CLEC19A: variants seen among roughly 807,000 people sequenced by gnomAD.
CLEC19A encodes the protein C-type lectin domain containing 19A.
In CLEC19A, 21 loss-of-function variants were observed where a neutral mutation model predicts 26.1. The observed-to-expected ratio is 0.80, with a 90% confidence interval of 0.57 to 1.16. The LOEUF (loss-of-function observed/expected upper bound fraction) is 1.16. CLEC19A is among the 50% of genes most tolerant of loss of function. The pLI is 0.00. For synonymous variants in CLEC19A, 89 were observed against 88.6 expected (o/e 1.00, Z -0.03); for missense variants, 224 against 227.6 (o/e 0.98, Z 0.10).
intron 2 of CLEC19A, among the ~76,000 whole-genome samples, chr16:19,303,603 AG>A (rs1166997298): frequency 1.3e-5 from 2 of 152,164 alleles, no homozygotes; most frequent in Non-Finnish European, 2.9e-5. Flanking sequence ...AGGAAAACAG[AG>A]ATTTTGGAGA....
Position 19,295,879 on chromosome 16 carries a change from C to A in CLEC19A, c.89-2794C>A, listed in dbSNP as rs374055224. Among the ~76,000 whole-genome samples the A allele has an allele frequency of 2.3e-3, 351 of 152,278 alleles. 3 individuals are homozygous for A. Among genetic ancestry groups the A allele is most frequent in the African/African-American group, 8.1e-3 (338 of 41,552 alleles). ...AGTCCCTACAAAGAGCTCAGCAACA[C>A]CCAGCGTTACAAAGGGTCCATCAAC... On this transcript the variant is annotated intron_variant, in intron 1 of 4. Coordinates refer to ENST00000636231, the MANE Select transcript of CLEC19A (RefSeq NM_001256720.2).
intron 1 of CLEC19A, among the ~76,000 whole-genome samples, chr16:19,291,535 A>G (rs1567251971): frequency 1.3e-5 from 2 of 152,208 alleles, no homozygotes; most frequent in Admixed American, 1.3e-4. Context: ...TGTATCAAGC[A>G]TTTAACACAA....
At chr16:19,298,961 T>C (rs1304962625) in intron 2 of CLEC19A, 123 bp downstream of exon 2, 80 of 1,119,362 alleles carry the variant, frequency 7.1e-5, no homozygotes, top group Non-Finnish European at 9.5e-5. Context: ...AAAATGGAGA[T>C]GGAGTCTTGC....
At position 19,309,833 on chromosome 16, in the gene CLEC19A, G is replaced by T. The variant is rs1898034228; in HGVS notation, c.*750G>T. ...TGTATTTTTTTTTTTAAATAGAGAC[G>T]AGGTTTCATCATGTCATCCAAGCTG... is the stretch of plus-strand genomic sequence containing the variant. On this transcript the variant is annotated 3_prime_UTR_variant, in exon 5 of 5. Transcript: ENST00000636231. 1 of 151,604 alleles carries T rather than the reference G, an allele frequency of 6.6e-6. No individual in the cohort carries two copies. Among genetic ancestry groups the T allele is most frequent in the Non-Finnish European group, 1.5e-5 (1 of 67,938 alleles). 9.4% of individuals were successfully genotyped at this position (151,604 alleles called of 1,614,324 possible).
At chr16:19,306,163 T>C (rs1166409737) in intron 3 of CLEC19A, among the ~76,000 whole-genome samples, 1 of 150,524 alleles carries the variant, frequency 6.6e-6, no homozygotes, top group Non-Finnish European at 1.5e-5. Flanking sequence ...TTTTTTTCCT[T>C]GAGACAGGGT....
At chr16:19,298,899 A>C (rs66465307) in intron 2 of CLEC19A, 61 bp downstream of exon 2, 46,827 of 1,444,120 alleles carry the variant, frequency 0.032, 3,047 homozygotes, top group African/African-American at 0.27. Context: ...AATGGGGTGG[A>C]GAATGGTATT....
rs746165035 is a variant in CLEC19A, at chr16:19,309,929, C to T, written c.*846C>T. On this transcript the variant is annotated 3_prime_UTR_variant, in exon 5 of 5. Transcript: ENST00000636231. Reference sequence around the variant, plus strand: ...AAAGTACTGGGATTACAGGCATGAGCCACTGCGCCTAGCCAAGAATACATC... The same window carrying T: ...AAAGTACTGGGATTACAGGCATGAGTCACTGCGCCTAGCCAAGAATACATC... The T allele has an allele frequency of 6.6e-6, 1 of 152,076 alleles. No homozygotes were observed. Among genetic ancestry groups the T allele is most frequent in the Non-Finnish European group, 1.5e-5 (1 of 68,038 alleles). The allele number at this position is 152,076 out of a possible 1,614,324, so 9.4% of individuals were successfully genotyped here.
rs1898018625 is a variant in CLEC19A, at chr16:19,309,244, G to A, written c.*161G>A. On this transcript the variant is annotated 3_prime_UTR_variant, in exon 5 of 5. Transcript: ENST00000636231. ...TCTTAATTATACAGGGTGGTCACTT[G>A]GCCAAGTGTCAGGAAAGCCAGCTCA... The A allele has an allele frequency of 7.6e-6, 4 of 529,452 alleles. No individual in the cohort carries two copies. In the Admixed American group the frequency reaches 1.5e-4, roughly 20 times the overall value. 32.8% of individuals were successfully genotyped at this position (529,452 alleles called of 1,614,324 possible).
chr16:19,297,846 A>T (rs192154739), intron 1 of CLEC19A, among the ~76,000 whole-genome samples: 421 of 152,316 alleles, frequency 2.8e-3, no homozygotes, highest in African/African-American at 8.8e-3. Flanking sequence ...TGATGTGCAC[A>T]TATTATTTTT....
At position 19,307,680 on chromosome 16, in the gene CLEC19A, G is replaced by T; in HGVS notation, c.481+3G>T. ...GATATGGTACAGGCCTACCAGTGGT[G>T]GGTACCCCTGAGACCAAGGCTCTTG... On this transcript the variant is annotated splice_donor_region_variant and intron_variant, in intron 4 of 4. Coordinates refer to ENST00000636231, the MANE Select transcript of CLEC19A (RefSeq NM_001256720.2). 2 of 1,548,122 alleles carry T rather than the reference G, an allele frequency of 1.3e-6. No homozygotes were observed. Among genetic ancestry groups the T allele is most frequent in the Non-Finnish European group, 8.7e-7 (1 of 1,146,736 alleles).
At chr16:19,307,418 A>G (rs1165085742) in intron 3 of CLEC19A, 127 bp from the exon 4 acceptor site, 2 of 1,011,200 alleles carry the variant, frequency 2.0e-6, no homozygotes, top group Admixed American at 5.1e-5. Context: ...AGTAGCCTCA[A>G]TGAAGACATC....
chr16:19,301,536 A>C (rs1411866454), intron 2 of CLEC19A, among the ~76,000 whole-genome samples: 1 of 152,096 alleles, frequency 6.6e-6, no homozygotes, highest in East Asian at 1.9e-4. Context: ...AGAATTCTCA[A>C]CTTGGAGATA....
chr16:19,295,892 A>T (rs2143009425), intron 1 of CLEC19A, among the ~76,000 whole-genome samples: 1 of 152,314 alleles, frequency 6.6e-6, no homozygotes, highest in African/African-American at 2.4e-5. Flanking sequence ...AGCGTTACAA[A>T]GGGTCCATCA....
intron 2 of CLEC19A, among the ~76,000 whole-genome samples, chr16:19,300,611 C>T (rs1300736657): frequency 6.6e-6 from 1 of 151,920 alleles, no homozygotes; most frequent in Non-Finnish European, 1.5e-5. Context: ...CTTGAATCCA[C>T]TCATCTCTTC....
chr16:19,301,955 C>T (rs1308942227), intron 2 of CLEC19A, among the ~76,000 whole-genome samples: 1 of 151,774 alleles, frequency 6.6e-6, no homozygotes, highest in African/African-American at 2.4e-5. Flanking sequence ...TCTTACACAG[C>T]ACTTGGATAA....
In CLEC19A at chr16:19,304,043, A is replaced by G. The variant is rs765250057; in HGVS notation, c.255-19A>G. On this transcript the variant is annotated intron_variant, in intron 2 of 4. Coordinates refer to ENST00000636231, the MANE Select transcript of CLEC19A (RefSeq NM_001256720.2). ...AAGAGGCCATGAGGAATCAGCTACT[A>G]TTATTCTTAAATTCGCAGCTGGGAG... The G allele has an allele frequency of 1.9e-6, 3 of 1,541,132 alleles. No homozygotes were observed. Among genetic ancestry groups the G allele is most frequent in the Non-Finnish European group, 2.6e-6 (3 of 1,139,400 alleles).
At chr16:19,286,594 C>A (rs1897474426) in intron 1 of CLEC19A, among the ~76,000 whole-genome samples, 1 of 152,170 alleles carries the variant, frequency 6.6e-6, no homozygotes, top group Admixed American at 6.5e-5. Context: ...TTCCACTTTG[C>A]AATAGGAAGG....
intron 1 of CLEC19A, among the ~76,000 whole-genome samples, chr16:19,291,007 T>G (rs771379937): frequency 6.6e-6 from 1 of 152,104 alleles, no homozygotes; most frequent in Non-Finnish European, 1.5e-5. Flanking sequence ...TATGGCTGAT[T>G]TACAAAAAGT....
chr16:19,296,947 A>G (rs1443380718), intron 1 of CLEC19A, among the ~76,000 whole-genome samples: 1 of 152,182 alleles, frequency 6.6e-6, no homozygotes, highest in Non-Finnish European at 1.5e-5. Flanking sequence ...AGCTGGGGGT[A>G]GGACCCAGGC....
Sources: allele counts gnomAD v4.1 joint callset (sites outside exome capture counted in the v4.1 genomes callset), GRCh38; gene constraint gnomAD v4.1.1; transcripts MANE v1.5; gene names NCBI Gene and HGNC (gene_info 2026-07-23, HGNC 2026-07-21).